INTS10: variants seen among roughly 807,000 people sequenced by gnomAD.
INTS10 encodes the protein integrator complex subunit 10, also known as chromosome 8 open reading frame 35.
Under a neutral mutation model 94.4 loss-of-function variants are expected in INTS10, and 44 were observed. The ratio of observed to expected loss-of-function variants is 0.47; its 90% CI spans 0.37 to 0.60. The LOEUF (loss-of-function observed/expected upper bound fraction) is 0.60. INTS10 is among the 20% of genes least tolerant of loss of function. The pLI is 0.00. For missense variants in INTS10, 797 were observed against 868.7 expected (o/e 0.92, Z 1.04); for synonymous variants, 341 against 320.7 (o/e 1.06, Z -0.68).
intron 16 of INTS10, among the ~76,000 whole-genome samples, chr8:19,848,502 A>G (rs2068758876): frequency 6.6e-6 from 1 of 152,178 alleles, no homozygotes; most frequent in African/African-American, 2.4e-5. Flanking sequence ...TCCTACTTAT[A>G]CTCTGAATAG....
chr8:19,851,092 G>A lies in INTS10; in HGVS notation c.1977-557G>A, dbSNP rs911552957. ...CTAGATGGGCACAGCATTTAGAGGA[G>A]CTGCCCTATTCTGGTGTCCTGGGGA... is the stretch of plus-strand genomic sequence containing the variant. On this transcript the variant is annotated intron_variant, in intron 16 of 16. Transcript: ENST00000397977. The surrounding 1 kb of genome is among the most constrained non-coding windows in gnomAD (Gnocchi z 5.0). Among the ~76,000 whole-genome samples, 2 of 152,204 alleles carry A rather than the reference G, an allele frequency of 1.3e-5. No individual in the cohort carries two copies. Among genetic ancestry groups the A allele is most frequent in the African/African-American group, 2.4e-5 (1 of 41,446 alleles).
In INTS10 at chr8:19,845,698, C is replaced by G; in HGVS notation, c.1883-6C>G. On this transcript the variant is annotated splice_region_variant and splice_polypyrimidine_tract_variant and intron_variant, in intron 15 of 16. Coordinates refer to ENST00000397977, the MANE Select transcript of INTS10 (RefSeq NM_018142.4). ...TACATGTGGTTAACCTGAATCTGGC[C>G]TGCAGATATTGATATGCTGGAGGAA... 1.2e-6 allele frequency: 2 copies of G among 1,608,376 alleles called. No individual in the cohort carries two copies. The highest frequency in any genetic ancestry group is 1.7e-6 in the Non-Finnish European group (2 of 1,174,840).
chr8:19,830,320 C>T (rs545751860), intron 9 of INTS10, 86 bp from the exon 10 acceptor site: 40 of 1,184,040 alleles, frequency 3.4e-5, no homozygotes, highest in South Asian at 7.6e-5. Flanking sequence ...ATTCATATCA[C>T]GGGCCAAACT....
intron 2 of INTS10, chr8:19,818,643 G>C: frequency 2.6e-6 from 1 of 388,266 alleles, no homozygotes; most frequent in East Asian, 5.4e-5. Context: ...AACAAAAAGT[G>C]AAAGTGCATC....
Position 19,830,533 on chromosome 8 carries a change from T to G in INTS10, c.1268T>G (p.Leu423Arg). 2 of 1,613,826 alleles carry G rather than the reference T, an allele frequency of 1.2e-6. No individual in the cohort carries two copies. The highest frequency in any genetic ancestry group is 2.7e-5 in the African/African-American group (2 of 75,044). ...FKLARESWELLYSLEFLDKEF... is the reference protein window; with the variant it reads ...FKLARESWELRYSLEFLDKEF... The stretch of plus-strand genomic sequence containing the variant: ...TTGGCCAGGGAGAGCTGGGAGTTGC[T>G]CTATTCCCTAGAATTCCTTGACAAA... The change falls in exon 10 of 17, where the codon CTC (leucine) becomes CGC (arginine). Residue 423 changes from leucine (L) to arginine (R), a missense_variant. Coordinates refer to ENST00000397977, the MANE Select transcript of INTS10 (RefSeq NM_018142.4).
chr8:19,824,753 C>A, intron 7 of INTS10, 50 bp from the exon 8 acceptor site: 2 of 1,365,400 alleles, frequency 1.5e-6, no homozygotes, highest in Admixed American at 2.2e-5. Context: ...AGACTTCTTG[C>A]TGACCAGCCC....
At chr8:19,822,325 A>T in intron 4 of INTS10, 114 bp from the exon 5 acceptor site, 1 of 587,166 alleles carries the variant, frequency 1.7e-6, no homozygotes. Context: ...TTTGTTTCTC[A>T]GATAAGTTTG....
intron 6 of INTS10, 114 bp downstream of exon 6, chr8:19,823,555 G>A: frequency 1.3e-6 from 1 of 776,742 alleles, no homozygotes; most frequent in South Asian, 1.6e-5. Flanking sequence ...GTTTGGGAGT[G>A]TTTCAAAAGA....
At chr8:19,839,550 T>A (rs2067949878) in intron 13 of INTS10, among the ~76,000 whole-genome samples, 1 of 151,942 alleles carries the variant, frequency 6.6e-6, no homozygotes, top group Non-Finnish European at 1.5e-5. Context: ...AATTTAAAAA[T>A]CAGTCAGGCT....
At chr8:19,827,266 C>A (rs1378103066) in intron 9 of INTS10, among the ~76,000 whole-genome samples, 1 of 152,150 alleles carries the variant, frequency 6.6e-6, no homozygotes, top group African/African-American at 2.4e-5. Context: ...AGTGCTTTTC[C>A]CTTGGATCTC....
Position 19,851,864 on chromosome 8 carries a change from A to C in INTS10, c.*59A>C. ...TGTGTAATTGTAGGAGAAGACACTCAGCAGTGATTGCCATGGCACAGAGCC... is the reference window on the plus strand; with the variant it reads ...TGTGTAATTGTAGGAGAAGACACTCCGCAGTGATTGCCATGGCACAGAGCC... On this transcript the variant is annotated 3_prime_UTR_variant, in exon 17 of 17. Coordinates refer to ENST00000397977, the MANE Select transcript of INTS10 (RefSeq NM_018142.4). The surrounding 1 kb of genome is among the most constrained non-coding windows in gnomAD (Gnocchi z 5.0). 6.8e-7 allele frequency: 1 copy of C among 1,471,008 alleles called. No individual in the cohort carries two copies. The highest frequency in any genetic ancestry group is 9.5e-7 in the Non-Finnish European group (1 of 1,053,952). 91.1% of individuals were successfully genotyped at this position (1,471,008 alleles called of 1,614,324 possible). A position where few individuals can be genotyped will look rare whatever the true frequency, so the allele number is the denominator to read the frequency against.
chr8:19,838,720 T>C (rs1234417660), intron 13 of INTS10, among the ~76,000 whole-genome samples: 3 of 152,104 alleles, frequency 2.0e-5, no homozygotes, highest in African/African-American at 7.2e-5. Context: ...AATACAGCAA[T>C]ATAGAAGGAC....
At chr8:19,830,327 A>T in intron 9 of INTS10, 79 bp from the exon 10 acceptor site, 1 of 1,289,314 alleles carries the variant, frequency 7.8e-7, no homozygotes, top group Admixed American at 2.6e-5. Context: ...TCACGGGCCA[A>T]ACTGGCAGCA....
chr8:19,827,013 C>T lies in INTS10; in HGVS notation c.1140+454C>T, dbSNP rs536002136. Among the ~76,000 whole-genome samples, 4 of 152,220 alleles carry T rather than the reference C, an allele frequency of 2.6e-5. No individual in the cohort carries two copies. The South Asian group carries it at 8.3e-4, about 32-fold the overall frequency. On this transcript the variant is annotated intron_variant, in intron 9 of 16. Transcript: ENST00000397977. Reference sequence around the variant, plus strand: ...GAGGTGGGCAGGGCAGCAGGAACAGCCTATGGGCAGATGCAGAAAAGATTT... The same window carrying T: ...GAGGTGGGCAGGGCAGCAGGAACAGTCTATGGGCAGATGCAGAAAAGATTT...
At chr8:19,817,747 C>T in intron 1 of INTS10, 81 bp downstream of exon 1, 5 of 1,514,134 alleles carry the variant, frequency 3.3e-6, no homozygotes, top group Non-Finnish European at 4.4e-6. Flanking sequence ...CCCAGAGCTG[C>T]GCCTGCCTGG....
rs1239924094 is a variant in INTS10, at chr8:19,843,869, G to C, written c.1720-207G>C. ...CAGCAGCTGTGCAGAGGGAGCCTGA[G>C]GCTTCTTTGGTTAGAATCCACCCTC... is the stretch of plus-strand genomic sequence containing the variant. On this transcript the variant is annotated intron_variant, in intron 14 of 16. Transcript: ENST00000397977. The surrounding 1 kb of genome is among the most constrained non-coding windows in gnomAD (Gnocchi z 4.7). Among the ~76,000 whole-genome samples, 1 of 152,226 alleles carries C rather than the reference G, an allele frequency of 6.6e-6. No homozygotes were observed. The highest frequency in any genetic ancestry group is 1.9e-4 in the East Asian group (1 of 5,194).
intron 10 of INTS10, among the ~76,000 whole-genome samples, chr8:19,830,800 G>A (rs1175238393): frequency 2.0e-5 from 3 of 152,032 alleles, no homozygotes; most frequent in Admixed American, 1.3e-4. Context: ...AGCCTTCCTC[G>A]TAGCTGGGAC....
chr8:19,830,804 C>T (rs1023879010), intron 10 of INTS10, among the ~76,000 whole-genome samples: 1 of 152,192 alleles, frequency 6.6e-6, no homozygotes. Context: ...TTCCTCGTAG[C>T]TGGGACTACA....
At chr8:19,817,754 C>G (rs1000879337) in intron 1 of INTS10, 88 bp downstream of exon 1, 67 of 1,491,688 alleles carry the variant, frequency 4.5e-5, no homozygotes, top group Non-Finnish European at 5.5e-5. Context: ...CTGCGCCTGC[C>G]TGGGGGCTGC....
Sources: allele counts gnomAD v4.1 joint callset (sites outside exome capture counted in the v4.1 genomes callset), GRCh38; gene constraint gnomAD v4.1.1; non-coding constraint Gnocchi (gnomAD v3.1); transcripts MANE v1.5; gene names NCBI Gene and HGNC (gene_info 2026-07-23, HGNC 2026-07-21).